Variants in GRAMD4 observed in about 807,000 individuals in gnomAD.
The protein encoded by GRAMD4 is GRAM domain containing 4, also known as GRAM domain-containing protein 4.
A neutral mutation model predicts 83.9 loss-of-function variants in GRAMD4; 25 were observed. The ratio of observed to expected loss-of-function variants is 0.30; its 90% CI spans 0.22 to 0.42. The LOEUF is 0.42. GRAMD4 is among the 10% of genes least tolerant of loss of function. The probability of loss-of-function intolerance (pLI) is 1.00; values close to 1 mark genes in which losing one functional copy is unlikely to be tolerated. For missense variants in GRAMD4, 593 were observed against 788.7 expected (o/e 0.75, Z 2.97); for synonymous variants, 336 against 320.9 (o/e 1.05, Z -0.50).
chr22:46,622,682 G>A lies in GRAMD4; in HGVS notation c.-50+2117G>A, dbSNP rs2081592392. Among the ~76,000 whole-genome samples, 1 of 152,164 alleles carries A rather than the reference G, an allele frequency of 6.6e-6. No individual in the cohort carries two copies. The highest frequency in any genetic ancestry group is 2.4e-5 in the African/African-American group (1 of 41,454). ...TAATCCCAGCACTTTGGGAGGCCGA[G>A]GCGGGTGGATCACGAGGTCAGGAGA... is the stretch of plus-strand genomic sequence containing the variant. On this transcript the variant is annotated intron_variant, in intron 1 of 18. Coordinates refer to ENST00000406902, the MANE Select transcript of GRAMD4 (RefSeq NM_015124.5). This position sits in a 1 kb window ranked among gnomAD's most constrained non-coding sequence, Gnocchi z 4.0.
intron 13 of GRAMD4, among the ~76,000 whole-genome samples, chr22:46,670,620 T>TC (rs908930232): frequency 6.6e-6 from 1 of 152,076 alleles, no homozygotes; most frequent in Admixed American, 6.5e-5. Context: ...TCCTTTTTTT[T>TC]CAAGACAGCG....
intron 9 of GRAMD4, among the ~76,000 whole-genome samples, chr22:46,666,006 G>A (rs1216876808): frequency 4.6e-5 from 7 of 152,224 alleles, no homozygotes; most frequent in Admixed American, 1.3e-4. Flanking sequence ...AACATCAGTG[G>A]GTAGGTGGGT....
At chr22:46,646,815 C>T (rs761288445) in intron 3 of GRAMD4, among the ~76,000 whole-genome samples, 10 of 152,194 alleles carry the variant, frequency 6.6e-5, no homozygotes, top group East Asian at 1.9e-4. Flanking sequence ...CAAACAAAAG[C>T]GGTTTAATGG....
intron 1 of GRAMD4, among the ~76,000 whole-genome samples, chr22:46,579,274 T>C (rs954921215): frequency 2.0e-5 from 3 of 152,146 alleles, no homozygotes; most frequent in Admixed American, 1.3e-4. Context: ...CCTCCTCTTA[T>C]CTGTGGAGCC....
intron 1 of GRAMD4, among the ~76,000 whole-genome samples, chr22:46,584,017 G>T (rs73181061): frequency 0.22 from 34,157 of 152,104 alleles, 4,080 homozygotes; most frequent in Middle Eastern, 0.31. Context: ...ATGTGGGTTC[G>T]TGGATACTCA....
chr22:46,668,738 TC>T lies in GRAMD4; in HGVS notation c.974+9del. ...ATCCTGGAGAAGATCAAGAAGTAAG[TC>T]CCGCCCCCCACCCCGGCCCTGCGGC... On this transcript the variant is annotated splice_region_variant and intron_variant, in intron 12 of 18. Coordinates refer to ENST00000406902, the MANE Select transcript of GRAMD4 (RefSeq NM_015124.5). The T allele has an allele frequency of 1.2e-6, 1 of 817,932 alleles. No individual in the cohort carries two copies. The highest frequency in any genetic ancestry group is 2.0e-6 in the Non-Finnish European group (1 of 503,716). The allele number at this position is 817,932 out of a possible 1,614,324, so 50.7% of individuals were successfully genotyped here.
chr22:46,588,211 A>G (rs2081170392), intron 1 of GRAMD4, among the ~76,000 whole-genome samples: 1 of 152,016 alleles, frequency 6.6e-6, no homozygotes, highest in African/African-American at 2.4e-5. Flanking sequence ...TTGAGAACCT[A>G]GGAGCATGGG....
intron 17 of GRAMD4, 25 bp downstream of exon 17, chr22:46,675,577 T>G: frequency 7.0e-7 from 1 of 1,432,328 alleles, no homozygotes; most frequent in Non-Finnish European, 9.9e-7. Context: ...CCACCCCCAC[T>G]AACCCCCGTG....
intron 1 of GRAMD4, among the ~76,000 whole-genome samples, chr22:46,588,310 C>T (rs1032532261): frequency 6.6e-6 from 1 of 152,174 alleles, no homozygotes; most frequent in Non-Finnish European, 1.5e-5. Context: ...GAGCTGAGGT[C>T]AGCACACCTC....
intron 2 of GRAMD4, among the ~76,000 whole-genome samples, chr22:46,627,179 G>A (rs529258211): frequency 4.1e-4 from 63 of 152,342 alleles, no homozygotes; most frequent in African/African-American, 1.3e-3. Flanking sequence ...TCTGATTAGC[G>A]GCTGGATTGG....
chr22:46,680,597 CCCACCCATTCATCCAT>C (rs2082659370), downstream of GRAMD4, among the ~76,000 whole-genome samples: 7 of 131,650 alleles, frequency 5.3e-5, no homozygotes, highest in South Asian at 2.8e-4. Flanking sequence ...CATCCATCCA[CCCACCCATTCATCCAT>C]CCACCCACCC....
At chr22:46,680,589 T>TCCAC (rs1372006829), downstream of GRAMD4, among the ~76,000 whole-genome samples, 11 of 13,944 alleles carry the variant, frequency 7.9e-4, no homozygotes, top group African/African-American at 2.7e-3. Flanking sequence ...CATCCATCCA[T>TCCAC]CCATCCACCC....
chr22:46,663,096 G>C lies in GRAMD4; in HGVS notation c.523G>C (p.Gly175Arg), dbSNP rs61552185. The stretch of plus-strand genomic sequence containing the variant: ...GCAGAAGTGGTTCTACGAGCGGTTT[G>C]GGGAGTACGTGGAGGACTTCCGGTT... ...RLQKWFYERF[G>R]EYVEDFRFQP... Residue 175 changes from glycine to arginine, a missense_variant, in exon 6 of 19, where the codon GGG becomes CGG. Physicochemically the swap from Gly to Arg is moderately radical, Grantham distance 125. This residue lies in a region of GRAMD4 where 312 missense variants were observed against 350.7 expected (regional missense o/e 0.89). Transcript: ENST00000406902. 1.9e-6 allele frequency: 3 copies of C among 1,611,974 alleles called. No individual in the cohort carries two copies. The African/African-American group carries it at 4.0e-5, about 22-fold the overall frequency.
upstream of GRAMD4, among the ~76,000 whole-genome samples, chr22:46,576,974 A>AC (rs1003404162): frequency 2.4e-4 from 35 of 143,206 alleles, no homozygotes; most frequent in Admixed American, 2.0e-3. Context: ...GCCCCCGCGG[A>AC]CCCCCGAGCC....
At chr22:46,618,720 G>A (rs1038091040), upstream of GRAMD4, among the ~76,000 whole-genome samples, 1 of 152,084 alleles carries the variant, frequency 6.6e-6, no homozygotes, top group Admixed American at 6.5e-5. This position sits in a 1 kb window ranked among gnomAD's most constrained non-coding sequence, Gnocchi z 5.8. Flanking sequence ...GGGGAGGCAC[G>A]CGGCTGCCTG....
chr22:46,578,956 C>T (rs2147887818), intron 1 of GRAMD4, among the ~76,000 whole-genome samples: 1 of 152,352 alleles, frequency 6.6e-6, no homozygotes, highest in South Asian at 2.1e-4. Flanking sequence ...AAATTGGGCA[C>T]CTGGGGTCTC....
rs75279451 is a variant in GRAMD4 at position 46,614,928 on chromosome 22, C to T, written c.-49-11823C>T. ...GTTCCCCTGTGCGTCTGGTTTCCCCCGTGTGTAGGTTCCCCTGTGCATGTA... is the reference window on the plus strand; with the variant it reads ...GTTCCCCTGTGCGTCTGGTTTCCCCTGTGTGTAGGTTCCCCTGTGCATGTA... On this transcript the variant is annotated intron_variant, in intron 1 of 1. Coordinates refer to the GRAMD4 transcript ENST00000431155. 0.013 allele frequency among the ~76,000 whole-genome samples: 168 copies of T among 12,878 alleles called. 1 individual carries two copies. In the East Asian group the frequency reaches 0.22, roughly 16 times the overall value. The allele number at this position is 12,878 out of a possible 152,430, so 8.4% of individuals were successfully genotyped here.
At chr22:46,661,103 T>C (rs746538766) in intron 4 of GRAMD4, among the ~76,000 whole-genome samples, 13 of 152,296 alleles carry the variant, frequency 8.5e-5, no homozygotes, top group Admixed American at 2.6e-4. Flanking sequence ...TTTAATGATG[T>C]TGAAAGAAGC....
Position 46,622,477 on chromosome 22 carries a change from G to A in GRAMD4, c.-50+1912G>A, listed in dbSNP as rs535717919. 1.8e-4 allele frequency among the ~76,000 whole-genome samples: 28 copies of A among 152,306 alleles called. No individual in the cohort carries two copies. Among genetic ancestry groups the A allele is most frequent in the African/African-American group, 6.7e-4 (28 of 41,558 alleles). ...CTTCCTTTTTAAACATTAAAAAGCAGTAAAAATGGTGGTTACCGGGGGCTT... is the reference window on the plus strand; with the variant it reads ...CTTCCTTTTTAAACATTAAAAAGCAATAAAAATGGTGGTTACCGGGGGCTT... On this transcript the variant is annotated intron_variant, in intron 1 of 18. Coordinates refer to ENST00000406902, the MANE Select transcript of GRAMD4 (RefSeq NM_015124.5). The surrounding 1 kb of genome is among the most constrained non-coding windows in gnomAD (Gnocchi z 4.0).
Sources: gnomAD v4.1 joint callset for allele counts (sites outside exome capture counted in the v4.1 genomes callset) on GRCh38, gnomAD v4.1.1 for gene constraint, gnomAD v4.1.1 regional missense constraint, Gnocchi (gnomAD v3.1) non-coding constraint, MANE v1.5 for transcripts, NCBI Gene and HGNC (gene_info 2026-07-23, HGNC 2026-07-21) for gene names.